The following SYNPO2 variants were observed in gnomAD, a reference collection of about 807,000 sequenced individuals.
SYNPO2 encodes synaptopodin-2.
Under a neutral mutation model 85.0 loss-of-function variants are expected in SYNPO2, and 56 were observed. The ratio of observed to expected loss-of-function variants is 0.66; its 90% confidence interval spans 0.53 to 0.82. SYNPO2 has a LOEUF of 0.82. SYNPO2 is among the 40% of genes least tolerant of loss of function. SYNPO2 has a pLI of 0.00. For synonymous variants in SYNPO2, 602 were observed against 591.1 expected, an observed-to-expected ratio of 1.02 and a Z score of -0.27; for missense variants, 1,575 against 1,534.2, an observed-to-expected ratio of 1.03 and a Z score of -0.44.
chr4:119,048,927 C>A (rs1738953744), intron 4 of SYNPO2, among the ~76,000 whole-genome samples: 4 of 152,124 alleles, frequency 2.6e-5, no homozygotes, highest in Non-Finnish European at 5.9e-5. Flanking sequence ...ATAACATAAT[C>A]TGACTTGAGT....
At chr4:118,878,878 C>A (rs764558987) in intron 1 of SYNPO2, among the ~76,000 whole-genome samples, 2 of 152,222 alleles carry the variant, frequency 1.3e-5, no homozygotes, top group East Asian at 3.9e-4. Context: ...CCTTTTCTGT[C>A]TTGTGGATGT....
intron 1 of SYNPO2, among the ~76,000 whole-genome samples, chr4:118,970,897 G>GT (rs1433524336): frequency 3.9e-5 from 6 of 152,214 alleles, no homozygotes; most frequent in African/African-American, 1.4e-4. Flanking sequence ...GATCACTTTA[G>GT]TTTTTCTCAG....
At chr4:118,955,634 T>C (rs1734848743) in intron 1 of SYNPO2, among the ~76,000 whole-genome samples, 5 of 152,126 alleles carry the variant, frequency 3.3e-5, no homozygotes, top group Admixed American at 3.3e-4. Flanking sequence ...CAAAGCATTA[T>C]TATAGGAGAT....
chr4:118,851,566 C>T (rs563507785), intron 1 of SYNPO2, among the ~76,000 whole-genome samples: 11 of 151,960 alleles, frequency 7.2e-5, no homozygotes, highest in Admixed American at 2.0e-4. Flanking sequence ...ATATAGCTAT[C>T]GATATTATGG....
At chr4:118,977,903 T>C (rs1735853621) in intron 1 of SYNPO2, among the ~76,000 whole-genome samples, 2 of 152,206 alleles carry the variant, frequency 1.3e-5, no homozygotes, top group Non-Finnish European at 2.9e-5. Context: ...TAACTTCCAC[T>C]CAGGAGTTCT....
At chr4:118,897,849 G>A (rs186367065) in intron 1 of SYNPO2, among the ~76,000 whole-genome samples, 4 of 152,242 alleles carry the variant, frequency 2.6e-5, no homozygotes, top group African/African-American at 7.2e-5. Context: ...CAGTTAGGAC[G>A]GGAAGACAGC....
At chr4:118,976,984 TC>T (rs1406401921) in intron 1 of SYNPO2, among the ~76,000 whole-genome samples, 4 of 152,236 alleles carry the variant, frequency 2.6e-5, no homozygotes, top group African/African-American at 9.6e-5. Flanking sequence ...CCAGCTGGCT[TC>T]ACCTAGAGGA....
At chr4:119,035,165 A>G in intron 4 of SYNPO2, 1 of 985,456 alleles carries the variant, frequency 1.0e-6, no homozygotes. Context: ...CATTACAGTC[A>G]CTGACTTTCT....
At chr4:119,006,310 T>C (rs1295059255) in intron 1 of SYNPO2, 1 of 152,226 alleles carries the variant, frequency 6.6e-6, no homozygotes, top group Non-Finnish European at 1.5e-5. Context: ...TGGACTATTC[T>C]TTTACGAGAA....
chr4:118,877,030 T>A (rs1012446420), intron 1 of SYNPO2, among the ~76,000 whole-genome samples: 8 of 151,854 alleles, frequency 5.3e-5, no homozygotes, highest in Non-Finnish European at 1.2e-4. Flanking sequence ...GGTCTTAAAA[T>A]CCTGGGTCCA....
chr4:118,880,703 C>T (rs928418330), intron 1 of SYNPO2, among the ~76,000 whole-genome samples: 7 of 148,456 alleles, frequency 4.7e-5, no homozygotes, highest in Admixed American at 1.4e-4. Context: ...GCTGAGATCA[C>T]GCCACTGCAC....
At chr4:119,044,294 C>G (rs1301225801) in intron 4 of SYNPO2, among the ~76,000 whole-genome samples, 2 of 152,204 alleles carry the variant, frequency 1.3e-5, no homozygotes, top group African/African-American at 4.8e-5. Flanking sequence ...AACAATCACA[C>G]ATTTGAAAAT....
chr4:119,037,943 T>A (rs1197117399), intron 4 of SYNPO2: 1 of 204,128 alleles, frequency 4.9e-6, no homozygotes, highest in Admixed American at 6.5e-5. Context: ...TCTTAACCAA[T>A]TATACTGTGA....
intron 1 of SYNPO2, among the ~76,000 whole-genome samples, chr4:119,011,796 C>G (rs892693010): frequency 1.3e-5 from 2 of 152,096 alleles, no homozygotes; most frequent in African/African-American, 4.8e-5. Flanking sequence ...GTGTTGCAAT[C>G]TTAGCTCTCA....
Position 119,038,045 on chromosome 4 carries a change from G to A in SYNPO2, c.3252+6018G>A, listed in dbSNP as rs1738585588. On this transcript the variant is annotated intron_variant, in intron 4 of 4. Coordinates refer to ENST00000307142, the MANE Select transcript of SYNPO2 (RefSeq NM_133477.3). ...AGCTCAGAGAAGCTAAACAACTTGT[G>A]CAACAATCACTAAGCTTATAAGCAG... is the stretch of plus-strand genomic sequence containing the variant. The A allele has an allele frequency of 4.1e-6, 3 of 734,774 alleles. No individual in the cohort carries two copies. The African/African-American group carries it at 5.8e-5, about 14-fold the overall frequency. The allele number at this position is 734,774 out of a possible 1,614,324, so 45.5% of individuals were successfully genotyped here.
chr4:118,890,128 C>CT (rs912322622), intron 1 of SYNPO2, among the ~76,000 whole-genome samples: 136 of 134,504 alleles, frequency 1.0e-3, no homozygotes, highest in Middle Eastern at 3.9e-3. Flanking sequence ...GGCTTTTACT[C>CT]TTTTTTTTTT....
chr4:119,032,609 T>C (rs1738328073), intron 4 of SYNPO2: 1 of 991,778 alleles, frequency 1.0e-6, no homozygotes, highest in Non-Finnish European at 1.2e-6. Flanking sequence ...TGTTGGAATG[T>C]ATATAGTTTA....
intron 1 of SYNPO2, among the ~76,000 whole-genome samples, chr4:118,854,277 T>C (rs1731471009): frequency 6.6e-6 from 1 of 152,244 alleles, no homozygotes; most frequent in South Asian, 2.1e-4. Context: ...CATGTCACTC[T>C]GTGAAGCATG....
rs200840045 is a variant in SYNPO2, at chr4:119,057,514, A to G, written c.3366A>G (p.Leu1122=). ...ACTCTAGTAAACCAACCGATGGACT[A>G]GAGAAAGCAAACAAGAGACCAACTC... ...YSYSSKPTDG[L]EKANKRPTPW... is the part of the protein sequence containing the mutation. The change falls in exon 5 of 5, where the codon CTA becomes CTG. Residue 1122 remains leucine (L), a synonymous_variant. Transcript: ENST00000307142. The G allele has an allele frequency of 4.2e-5, 67 of 1,614,024 alleles. No homozygotes were observed. The highest frequency in any genetic ancestry group is 5.3e-5 in the Non-Finnish European group (63 of 1,180,026).
Sources: gnomAD v4.1 joint callset for allele counts (sites outside exome capture counted in the v4.1 genomes callset) on GRCh38, gnomAD v4.1.1 for gene constraint, MANE v1.5 for transcripts, NCBI Gene and HGNC (gene_info 2026-07-23, HGNC 2026-07-21) for gene names.